RMST: variants seen among roughly 807,000 people sequenced by gnomAD.
RMST encodes the protein long intergenic non-protein coding RNA 54.
intron 5 of RMST, among the ~76,000 whole-genome samples, chr12:97,487,804 C>T (rs780646827): frequency 1.3e-5 from 2 of 152,252 alleles, no homozygotes; most frequent in African/African-American, 2.4e-5. Flanking sequence ...TTGTTCTTCA[C>T]ATCCCCCGGT....
At chr12:97,536,870 C>T (rs998571092) in intron 11 of RMST, among the ~76,000 whole-genome samples, 3 of 151,438 alleles carry the variant, frequency 2.0e-5, no homozygotes, top group Non-Finnish European at 3.0e-5. Flanking sequence ...TTAGCCAGAA[C>T]TTGTTGGTCA....
intron 13 of RMST, chr12:97,563,938 G>C (rs765742810): frequency 1.4e-5 from 7 of 486,460 alleles, no homozygotes; most frequent in South Asian, 1.1e-4. Context: ...CATCAGTATA[G>C]AGAACGTTAG....
intron 11 of RMST, among the ~76,000 whole-genome samples, chr12:97,537,506 T>G (rs1565934960): frequency 6.6e-6 from 1 of 151,424 alleles, no homozygotes; most frequent in Non-Finnish European, 1.5e-5. Context: ...GACATATTAT[T>G]GAAGAATCTC....
At chr12:97,545,692 C>T (rs896573493) in intron 11 of RMST, among the ~76,000 whole-genome samples, 4 of 151,928 alleles carry the variant, frequency 2.6e-5, no homozygotes, top group Non-Finnish European at 4.4e-5. Flanking sequence ...GGGATATTTG[C>T]GTTTTCATTA....
intron 11 of RMST, chr12:97,532,649 T>TG (rs1555233280): frequency 6.7e-6 from 1 of 148,890 alleles, no homozygotes; most frequent in Non-Finnish European, 1.5e-5. Flanking sequence ...TGTCCCGTTT[T>TG]TTTTTTTTTT....
intron 10 of RMST, among the ~76,000 whole-genome samples, chr12:97,504,508 A>T (rs1878457452): frequency 6.6e-6 from 1 of 151,492 alleles, no homozygotes; most frequent in Non-Finnish European, 1.5e-5. Flanking sequence ...TTCTTATTTT[A>T]TGTCAGTATT....
intron 11 of RMST, among the ~76,000 whole-genome samples, chr12:97,535,932 C>T (rs886680813): frequency 6.6e-6 from 1 of 151,518 alleles, no homozygotes; most frequent in Non-Finnish European, 1.5e-5. Flanking sequence ...TAGTTTAGTT[C>T]ATTGAAAACC....
chr12:97,545,922 C>A lies in RMST; in HGVS notation n.1546-14615C>A, dbSNP rs749582667. ...GGATGGGATGAGAAATGGGAATATG[C>A]CAGTTTCTTATGTAAACAACAGTTC... On this transcript the variant is annotated intron_variant and non_coding_transcript_variant, in intron 11 of 13. Transcript: ENST00000640149. Among the ~76,000 whole-genome samples the A allele has an allele frequency of 6.8e-4, 104 of 152,106 alleles. No individual in the cohort carries two copies. In the Middle Eastern group the frequency reaches 0.017, roughly 25 times the overall value.
At chr12:97,524,075 C>CAGAGAAAAAAAA (rs57255256) in intron 10 of RMST, among the ~76,000 whole-genome samples, 2,553 of 56,110 alleles carry the variant, frequency 0.045, 939 homozygotes, top group Non-Finnish European at 0.059. Flanking sequence ...GACTCTGTCT[C>CAGAGAAAAAAAA]AAAAAAAAAA....
intron 5 of RMST, among the ~76,000 whole-genome samples, chr12:97,483,015 C>T (rs10777870): frequency 0.82 from 124,446 of 151,530 alleles, 51,385 homozygotes; most frequent in Middle Eastern, 0.91. Flanking sequence ...ACCAGGTGCA[C>T]GGCTCACGGG....
At position 97,494,733 on chromosome 12, in the gene RMST, C is replaced by T. The variant is rs549487150; in HGVS notation, n.1066C>T. On this transcript the variant is annotated non_coding_transcript_exon_variant, in exon 9 of 14. Transcript: ENST00000640149. The stretch of plus-strand genomic sequence containing the variant: ...ACCACGGTTGTTTACAATTTATGCT[C>T]TAACTTTGGATCACCTAGTTAATAC... 10 of 152,156 alleles carry T rather than the reference C, an allele frequency of 6.6e-5. No individual in the cohort carries two copies. In the South Asian group the frequency reaches 2.1e-3, roughly 32 times the overall value. 9.4% of individuals were successfully genotyped at this position (152,156 alleles called of 1,614,324 possible).
At chr12:97,563,004 T>C (rs1404281624) in intron 13 of RMST, among the ~76,000 whole-genome samples, 1 of 152,232 alleles carries the variant, frequency 6.6e-6, no homozygotes, top group East Asian at 1.9e-4. Context: ...TTTTTTAAAG[T>C]CCAGATAAAA....
chr12:97,559,249 T>G (rs1263218748), intron 11 of RMST, among the ~76,000 whole-genome samples: 1 of 152,134 alleles, frequency 6.6e-6, no homozygotes, highest in African/African-American at 2.4e-5. Context: ...AACTCAAAAT[T>G]GTATAAACAA....
intron 5 of RMST, among the ~76,000 whole-genome samples, chr12:97,473,228 T>C (rs1374937524): frequency 6.6e-6 from 1 of 152,164 alleles, no homozygotes; most frequent in African/African-American, 2.4e-5. Context: ...TTTAGAATTT[T>C]CAACTGATTT....
At chr12:97,540,949 T>TAGATAG (rs1476835041) in intron 11 of RMST, among the ~76,000 whole-genome samples, 1 of 101,420 alleles carries the variant, frequency 9.9e-6, no homozygotes, top group Non-Finnish European at 1.8e-5. Context: ...TAGATAGATA[T>TAGATAG]AGATATAGAT....
At chr12:97,490,913 A>C (rs1185549376) in intron 5 of RMST, among the ~76,000 whole-genome samples, 1 of 152,216 alleles carries the variant, frequency 6.6e-6, no homozygotes, top group African/African-American at 2.4e-5. Flanking sequence ...ACTTATCTTG[A>C]AAATCTTAAG....
intron 9 of RMST, among the ~76,000 whole-genome samples, chr12:97,495,406 A>C (rs1427241607): frequency 1.3e-5 from 2 of 152,158 alleles, no homozygotes; most frequent in Non-Finnish European, 2.9e-5. Context: ...AGCAATGGCG[A>C]GATGATGGAG....
intron 11 of RMST, among the ~76,000 whole-genome samples, chr12:97,538,473 G>A (rs978583096): frequency 6.6e-6 from 1 of 151,256 alleles, no homozygotes; most frequent in African/African-American, 2.4e-5. Context: ...CTGAAGCTTA[G>A]AGTACAAATC....
intron 5 of RMST, among the ~76,000 whole-genome samples, chr12:97,467,858 T>A (rs1873379481): frequency 6.6e-6 from 1 of 152,054 alleles, no homozygotes. Context: ...AAATTGTGTA[T>A]GAAGTGCTAA....
Sources: allele counts gnomAD v4.1 joint callset (sites outside exome capture counted in the v4.1 genomes callset), GRCh38; gene constraint gnomAD v4.1.1; transcripts MANE v1.5; gene names NCBI Gene and HGNC (gene_info 2026-07-23, HGNC 2026-07-21).